Variants in CC2D2A observed in about 807,000 individuals in gnomAD.
CC2D2A encodes coiled-coil and C2 domain containing 2A.
CC2D2A carries 155 observed loss-of-function variants against 212.9 expected under a neutral mutation model. The observed-to-expected ratio is 0.73, with a 90% CI of 0.64 to 0.83. The LOEUF (loss-of-function observed/expected upper bound fraction) is 0.83. Ranked by LOEUF, CC2D2A falls within the 40% of genes least tolerant of loss-of-function variation. The pLI is 0.00. For synonymous variants in CC2D2A, 667 were observed against 686.5 expected (o/e 0.97, Z 0.44); for missense variants, 1,856 against 1,956.2 (o/e 0.95, Z 0.97).
At chr4:15,471,945 G>C (rs1250241539) in intron 1 of CC2D2A, among the ~76,000 whole-genome samples, 1 of 152,124 alleles carries the variant, frequency 6.6e-6, no homozygotes, top group Non-Finnish European at 1.5e-5. Context: ...AAATATATCT[G>C]GTTTTCTGCA....
chr4:15,504,099 G>A (rs759839827), intron 6 of CC2D2A, among the ~76,000 whole-genome samples: 7 of 152,084 alleles, frequency 4.6e-5, no homozygotes, highest in Non-Finnish European at 8.8e-5. Context: ...CAGGCTCTAG[G>A]GATATTTCTG....
At chr4:15,505,926 G>A (rs913363665) in intron 6 of CC2D2A, among the ~76,000 whole-genome samples, 1 of 152,176 alleles carries the variant, frequency 6.6e-6, no homozygotes, top group Non-Finnish European at 1.5e-5. Flanking sequence ...TTAGATTATG[G>A]TTTAAAGAGA....
intron 28 of CC2D2A, 90 bp downstream of exon 28, chr4:15,570,586 G>A (rs1720112648): frequency 1.2e-6 from 1 of 830,312 alleles, no homozygotes; most frequent in East Asian, 2.8e-5. Context: ...CAGGCGCGGT[G>A]GCTCATGCCT....
intron 6 of CC2D2A, among the ~76,000 whole-genome samples, chr4:15,509,427 C>A (rs140285966): frequency 4.7e-4 from 72 of 152,216 alleles, no homozygotes; most frequent in Non-Finnish European, 9.9e-4. Context: ...GCGCCCGCCA[C>A]CACGCCTGGC....
intron 17 of CC2D2A, among the ~76,000 whole-genome samples, chr4:15,544,224 C>T (rs980295421): frequency 3.3e-5 from 5 of 152,176 alleles, no homozygotes; most frequent in African/African-American, 1.2e-4. Flanking sequence ...ACGCAAACTC[C>T]AGAAGCACAC....
At chr4:15,527,810 A>C (rs1315984036) in intron 12 of CC2D2A, among the ~76,000 whole-genome samples, 154 bp downstream of exon 12, 1 of 152,228 alleles carries the variant, frequency 6.6e-6, no homozygotes, top group Non-Finnish European at 1.5e-5. Flanking sequence ...TAGAGACAAA[A>C]GGGAAAGATA....
At chr4:15,591,833 G>C (rs1416604364) in intron 33 of CC2D2A, among the ~76,000 whole-genome samples, 1 of 152,176 alleles carries the variant, frequency 6.6e-6, no homozygotes, top group African/African-American at 2.4e-5. Context: ...ATTATTACCA[G>C]CTCTCAAAAC....
Position 15,567,729 on chromosome 4 carries a change from C to T in CC2D2A, c.3341C>T (p.Thr1114Met), listed in dbSNP as rs386833752. The T allele has an allele frequency of 1.6e-5, 26 of 1,605,054 alleles. No individual in the cohort carries two copies. Among genetic ancestry groups the T allele is most frequent in the Admixed American group, 5.2e-5 (3 of 57,236 alleles). Residue 1114 changes from threonine to methionine, a missense_variant, in exon 26 of 37, where the codon ACG becomes ATG. Thr to Met is a moderately conservative substitution (Grantham distance 81). Around this residue, in one of 5 missense-constraint regions of CC2D2A, gnomAD observed 1,512 missense variants for 1,579.3 expected, o/e 0.96. Coordinates refer to ENST00000424120, the MANE Select transcript of CC2D2A (RefSeq NM_001378615.1). ...TCTTTTCAACGAACAGTTTGCCATA[C>T]GACTACGGCTGAAGGACCAAACCCT... The part of the protein sequence containing the change: ...EVSFQRTVCH[T>M]TTAEGPNPSW...
intron 23 of CC2D2A, 73 bp downstream of exon 23, chr4:15,560,695 T>C: frequency 1.5e-6 from 1 of 675,456 alleles, no homozygotes; most frequent in Non-Finnish European, 2.5e-6. Flanking sequence ...ATGAAAGGTA[T>C]CATATAAGAT....
chr4:15,481,072 A>G (rs1714608790), intron 4 of CC2D2A: 1 of 483,014 alleles, frequency 2.1e-6, no homozygotes, highest in Non-Finnish European at 4.0e-6. Context: ...TCCAAATCTG[A>G]AATGTGACCT....
chr4:15,597,415 G>A lies in CC2D2A; in HGVS notation c.4446G>A (p.Glu1482=). The change falls in exon 35 of 37, where the codon GAG becomes GAA. Residue 1482 remains glutamate, a synonymous_variant. Transcript: ENST00000424120. ...YPGLSSVQPE[E]LIYQRSDKAA... ...TATTTTCTCTTCTATAGCCTGAAGA[G>A]CTAATTTACCAGCGCTCAGACAAAG... The A allele has an allele frequency of 6.4e-7, 1 of 1,551,960 alleles. No individual in the cohort carries two copies. Among genetic ancestry groups the A allele is most frequent in the Non-Finnish European group, 8.7e-7 (1 of 1,146,870 alleles).
intron 11 of CC2D2A, 128 bp from the exon 12 acceptor site, chr4:15,527,319 A>G: frequency 1.7e-6 from 1 of 584,006 alleles, no homozygotes; most frequent in African/African-American, 1.9e-5. Flanking sequence ...GTAATCAAGC[A>G]TTTTTCACCT....
At chr4:15,541,968 C>T (rs1449854603) in intron 17 of CC2D2A, among the ~76,000 whole-genome samples, 1 of 152,084 alleles carries the variant, frequency 6.6e-6, no homozygotes, top group African/African-American at 2.4e-5. Context: ...GTATCTTTCC[C>T]TGCCTCTTCC....
intron 32 of CC2D2A, 113 bp from the exon 33 acceptor site, chr4:15,589,432 G>A (rs1475074267): frequency 2.1e-6 from 2 of 930,266 alleles, no homozygotes; most frequent in Middle Eastern, 4.6e-4. Flanking sequence ...CATTAACCAT[G>A]AAATTTCAGA....
At chr4:15,522,353 G>A (rs1036125734) in intron 11 of CC2D2A, among the ~76,000 whole-genome samples, 2 of 152,104 alleles carry the variant, frequency 1.3e-5, no homozygotes, top group South Asian at 2.1e-4. Flanking sequence ...CGGCAGGATC[G>A]ACCAACACTG....
intron 3 of CC2D2A, 72 bp from the exon 4 acceptor site, chr4:15,480,632 C>T: frequency 6.6e-7 from 1 of 1,512,300 alleles, no homozygotes; most frequent in Non-Finnish European, 8.9e-7. Flanking sequence ...ACTGGTGACC[C>T]ATCTTCCCAA....
intron 17 of CC2D2A, among the ~76,000 whole-genome samples, chr4:15,544,479 A>T (rs1718611361): frequency 1.3e-5 from 2 of 152,220 alleles, no homozygotes; most frequent in Admixed American, 6.5e-5. Flanking sequence ...GAAGACAGTA[A>T]TGAGGCAGGC....
At chr4:15,582,481 G>C (rs1414381124) in intron 30 of CC2D2A, among the ~76,000 whole-genome samples, 2 of 151,874 alleles carry the variant, frequency 1.3e-5, no homozygotes, top group Non-Finnish European at 2.9e-5. Flanking sequence ...AAAAAAGAGA[G>C]ATGACTTAAA....
At chr4:15,470,689 CTATATATATATATATATATA>C (rs199958992) in intron 1 of CC2D2A, among the ~76,000 whole-genome samples, 1,040 of 50,500 alleles carry the variant, frequency 0.021, 10 homozygotes, top group South Asian at 0.026. Flanking sequence ...CTCTCTCTCT[CTATATATATATATATATATA>C]TATATATATA....
Sources: allele counts gnomAD v4.1 joint callset (sites outside exome capture counted in the v4.1 genomes callset), GRCh38; gene constraint gnomAD v4.1.1; regional missense constraint gnomAD v4.1.1; transcripts MANE v1.5; gene names NCBI Gene and HGNC (gene_info 2026-07-23, HGNC 2026-07-21).